The following ABAT variants were observed in gnomAD, a reference collection of about 807,000 sequenced individuals.
ABAT encodes the protein 4-aminobutyrate aminotransferase.
Under a neutral mutation model 64.6 loss-of-function variants are expected in ABAT, and 45 were observed. The ratio of observed to expected loss-of-function variants is 0.70; its 90% CI spans 0.55 to 0.89. The LOEUF (loss-of-function observed/expected upper bound fraction) is 0.89, where lower values mean the gene tolerates loss of function less well. ABAT is among the 40% of genes least tolerant of loss of function. The pLI is 0.00. For synonymous variants in ABAT, 297 were observed against 250.5 expected (o/e 1.19, Z -1.75); for missense variants, 633 against 658.4 (o/e 0.96, Z 0.42).
chr16:8,682,037 C>T (rs1050691729), intron 1 of ABAT, among the ~76,000 whole-genome samples: 3 of 152,282 alleles, frequency 2.0e-5, no homozygotes, highest in South Asian at 4.2e-4. Flanking sequence ...AACATACCTT[C>T]CTCCACGTTG....
chr16:8,720,370 T>C (rs73497698), intron 1 of ABAT, among the ~76,000 whole-genome samples: 8,721 of 152,334 alleles, frequency 0.057, 365 homozygotes, highest in East Asian at 0.11. Context: ...CCCCACATCA[T>C]TCTCAGTCTT....
intron 1 of ABAT, among the ~76,000 whole-genome samples, chr16:8,728,036 A>C (rs1335239454): frequency 6.6e-6 from 1 of 151,934 alleles, no homozygotes; most frequent in African/African-American, 2.4e-5. Context: ...GCCCCACTGC[A>C]CTCCAGCCTG....
In ABAT at chr16:8,781,672, G is replaced by C. The variant is rs2270288; in HGVS notation, c.*242G>C. 1.2e-5 allele frequency: 7 copies of C among 584,194 alleles called. No homozygotes were observed. Among genetic ancestry groups the C allele is most frequent in the African/African-American group, 1.9e-5 (1 of 53,848 alleles). 36.2% of individuals were successfully genotyped at this position (584,194 alleles called of 1,614,324 possible). On this transcript the variant is annotated 3_prime_UTR_variant, in exon 16 of 16. Coordinates refer to ENST00000268251, the MANE Select transcript of ABAT (RefSeq NM_020686.6). This position sits in a 1 kb window ranked among gnomAD's most constrained non-coding sequence, Gnocchi z 4.5. ...GTTTAAGCCCAGAGATCCTGCTTGA[G>C]CCCTGGACTCATCTTGGGAAGGGCC...
chr16:8,770,331 G>A (rs561313135), intron 11 of ABAT, among the ~76,000 whole-genome samples: 1 of 152,138 alleles, frequency 6.6e-6, no homozygotes, highest in Non-Finnish European at 1.5e-5. Flanking sequence ...TAGAGACAGG[G>A]TTTCACCGTG....
rs147226856 is a variant in ABAT at position 8,768,992 on chromosome 16, G to A, written c.816+19G>A. 3.4e-5 allele frequency: 55 copies of A among 1,613,848 alleles called. No individual in the cohort carries two copies. The Middle Eastern group carries it at 6.7e-4, about 20-fold the overall frequency. Reference sequence around the variant, plus strand: ...GGAAGAGGTAATGCTCATACCCTGCGGATCCTCCCCAACCACCAGTCCTGT... The same window carrying A: ...GGAAGAGGTAATGCTCATACCCTGCAGATCCTCCCCAACCACCAGTCCTGT... On this transcript the variant is annotated intron_variant, in intron 11 of 15. Transcript: ENST00000268251.
At chr16:8,725,347 C>T (rs982480021) in intron 1 of ABAT, among the ~76,000 whole-genome samples, 3 of 152,152 alleles carry the variant, frequency 2.0e-5, no homozygotes, top group African/African-American at 7.2e-5. Flanking sequence ...CCCCGGAGAC[C>T]CCCGTACCCA....
rs763830062 is a variant in ABAT at position 8,772,881 on chromosome 16, T to A, written c.918T>A (p.Asp306Glu). 7.4e-6 allele frequency: 12 copies of A among 1,613,892 alleles called. No individual in the cohort carries two copies. The highest frequency in any genetic ancestry group is 1.0e-5 in the Non-Finnish European group (12 of 1,179,966). ...AGGGTGGAGACAACCACGCATCCGA[T>A]GACTTCTTTCGGAAGCTGAGAGACA... The part of the protein sequence containing the change: ...QSEGGDNHAS[D>E]DFFRKLRDIA... The change falls in exon 12 of 16, where the codon GAT becomes GAA. Residue 306 changes from aspartate to glutamate, a missense_variant. Coordinates refer to ENST00000268251, the MANE Select transcript of ABAT (RefSeq NM_020686.6).
chr16:8,715,895 A>G lies in ABAT; in HGVS notation c.-41-19804A>G, dbSNP rs535020135. ...AAGATACAGGCTGAAGGATTCAAGG[A>G]TGAAATATCACAATGTCCACAACTA... On this transcript the variant is annotated intron_variant, in intron 1 of 15. Transcript: ENST00000268251. 5.5e-5 allele frequency among the ~76,000 whole-genome samples: 8 copies of G among 145,484 alleles called. No homozygotes were observed. The East Asian group carries it at 1.6e-3, about 29-fold the overall frequency.
chr16:8,724,215 T>C (rs1357977834), intron 1 of ABAT, among the ~76,000 whole-genome samples: 1 of 152,114 alleles, frequency 6.6e-6, no homozygotes, highest in Non-Finnish European at 1.5e-5. Flanking sequence ...TTATCTATTA[T>C]GGTGCACATA....
At chr16:8,707,383 G>A (rs2057972514) in intron 1 of ABAT, among the ~76,000 whole-genome samples, 1 of 125,518 alleles carries the variant, frequency 8.0e-6, no homozygotes, top group African/African-American at 3.3e-5. Context: ...CGGAGACAGG[G>A]TTTCACTATG....
chr16:8,705,478 G>T (rs1423101721), intron 1 of ABAT: 1 of 152,098 alleles, frequency 6.6e-6, no homozygotes, highest in African/African-American at 2.4e-5. Context: ...GTCTTTACCG[G>T]AAAGCCTGCT....
chr16:8,748,189 G>C (rs1405138629), intron 4 of ABAT, 52 bp downstream of exon 4: 8 of 1,536,080 alleles, frequency 5.2e-6, no homozygotes, highest in South Asian at 4.5e-5. Flanking sequence ...TCACAATTGA[G>C]CTAAAAGACA....
chr16:8,742,399 G>C (rs1752329192), intron 2 of ABAT, among the ~76,000 whole-genome samples: 1 of 152,158 alleles, frequency 6.6e-6, no homozygotes, highest in Admixed American at 6.6e-5. Flanking sequence ...CCTCATTTAA[G>C]AACAGCTTGC....
At chr16:8,684,971 A>T (rs1159307825) in intron 1 of ABAT, among the ~76,000 whole-genome samples, 6 of 152,156 alleles carry the variant, frequency 3.9e-5, no homozygotes, top group Admixed American at 3.3e-4. Flanking sequence ...CTTACAAAGG[A>T]GTCAGCAAAG....
intron 1 of ABAT, among the ~76,000 whole-genome samples, chr16:8,704,852 T>A (rs1005239058): frequency 9.2e-5 from 14 of 152,104 alleles, no homozygotes; most frequent in South Asian, 4.2e-4. Flanking sequence ...TAAAAAAAAA[T>A]TTTTAAATTT....
At chr16:8,769,179 A>G (rs1003008818) in intron 11 of ABAT, among the ~76,000 whole-genome samples, 2 of 152,210 alleles carry the variant, frequency 1.3e-5, no homozygotes, top group African/African-American at 4.8e-5. Flanking sequence ...CTGTCACAGC[A>G]TCCATCACCC....
intron 1 of ABAT, among the ~76,000 whole-genome samples, chr16:8,699,429 G>A (rs909694330): frequency 6.6e-6 from 1 of 152,114 alleles, no homozygotes; most frequent in Non-Finnish European, 1.5e-5. Flanking sequence ...ATGATAGCAG[G>A]TACGTGCAAT....
rs746154029 is a variant in ABAT, at chr16:8,750,454, C to T, written c.231C>T (p.Tyr77=). 20 of 1,614,018 alleles carry T rather than the reference C, an allele frequency of 1.2e-5. No homozygotes were observed. Among genetic ancestry groups the T allele is most frequent in the Middle Eastern group, 3.3e-4 (2 of 6,084 alleles). The change falls in exon 5 of 16, where the codon TAC becomes TAT. Residue 77 remains tyrosine (Y), a synonymous_variant. Transcript: ENST00000268251. ...NAEAVHFFCN[Y]EESRGNYLVD... is the part of the protein sequence containing the mutation. Reference sequence around the variant, plus strand: ...AGGCTGTGCATTTTTTCTGCAATTACGAAGAGAGCCGAGGCAATTACCTGG... The same window carrying T: ...AGGCTGTGCATTTTTTCTGCAATTATGAAGAGAGCCGAGGCAATTACCTGG...
intron 1 of ABAT, among the ~76,000 whole-genome samples, chr16:8,692,437 C>T (rs144362076): frequency 2.4e-3 from 361 of 152,190 alleles, no homozygotes; most frequent in Middle Eastern, 0.02. Context: ...AAAATGCTTT[C>T]GGCAACATGG....
Sources: gnomAD v4.1 joint callset for allele counts (sites outside exome capture counted in the v4.1 genomes callset) on GRCh38, gnomAD v4.1.1 for gene constraint, Gnocchi (gnomAD v3.1) non-coding constraint, MANE v1.5 for transcripts, NCBI Gene and HGNC (gene_info 2026-07-23, HGNC 2026-07-21) for gene names.